The following MAML2 variants were observed in gnomAD, a reference collection of about 807,000 sequenced individuals.
MAML2 encodes the protein mastermind like transcriptional coactivator 2, also known as mastermind-like protein 2.
In MAML2, 22 loss-of-function variants were observed where a neutral mutation model predicts 96.1. That is an observed-to-expected ratio of 0.23 (90% confidence interval 0.16 to 0.33). The LOEUF (loss-of-function observed/expected upper bound fraction) is 0.33, where lower values mean the gene tolerates loss of function less well. Ranked by LOEUF, MAML2 falls within the 10% of genes least tolerant of loss-of-function variation. The probability of loss-of-function intolerance (pLI) is 1.00; values close to 1 mark genes in which losing one functional copy is unlikely to be tolerated. For synonymous variants in MAML2, 561 were observed against 521.3 expected (o/e 1.08, Z -1.04); for missense variants, 1,367 against 1,392.4 (o/e 0.98, Z 0.29).
In MAML2 at chr11:95,977,266, G is replaced by T. The variant is rs1237459707; in HGVS notation, c.*1682C>A. 5.4e-6 allele frequency: 1 copy of T among 184,406 alleles called. No individual in the cohort carries two copies. Among genetic ancestry groups the T allele is most frequent in the Non-Finnish European group, 1.1e-5 (1 of 86,976 alleles). The allele number at this position is 184,406 out of a possible 1,614,324, so 11.4% of individuals were successfully genotyped here. On this transcript the variant is annotated 3_prime_UTR_variant, in exon 5 of 5. Coordinates refer to ENST00000524717, the MANE Select transcript of MAML2 (RefSeq NM_032427.4). ...ATATAACCCAAAGAATATGTTTGAA[G>T]TATTTCTACCAAAATATTCTTTACA...
At chr11:96,186,690 T>G (rs1861580287) in intron 1 of MAML2, among the ~76,000 whole-genome samples, 2 of 152,188 alleles carry the variant, frequency 1.3e-5, no homozygotes, top group South Asian at 4.1e-4. Context: ...TTTTCACAAC[T>G]CCACTATGTA....
chr11:96,251,215 A>G (rs1862577299), intron 1 of MAML2, among the ~76,000 whole-genome samples: 1 of 152,232 alleles, frequency 6.6e-6, no homozygotes, highest in African/African-American at 2.4e-5. Context: ...GTCTTTTACT[A>G]AAGATGGTAG....
At chr11:96,049,696 T>C (rs1858960594) in intron 2 of MAML2, among the ~76,000 whole-genome samples, 1 of 152,238 alleles carries the variant, frequency 6.6e-6, no homozygotes, top group African/African-American at 2.4e-5. Context: ...TAAAGCATTT[T>C]GCACAGTCCC....
intron 4 of MAML2, among the ~76,000 whole-genome samples, chr11:95,981,171 C>A (rs1246411993): frequency 2.6e-5 from 4 of 152,204 alleles, no homozygotes; most frequent in Non-Finnish European, 5.9e-5. Flanking sequence ...TTTTCCTCAT[C>A]CTTCCATGTG....
intron 2 of MAML2, among the ~76,000 whole-genome samples, chr11:96,009,483 G>T (rs1858235004): frequency 6.9e-6 from 1 of 144,708 alleles, no homozygotes; most frequent in African/African-American, 2.6e-5. Context: ...GAATAATTTA[G>T]TTTATTTCAG....
chr11:96,304,275 T>C (rs1254155411), intron 1 of MAML2, among the ~76,000 whole-genome samples: 1 of 152,152 alleles, frequency 6.6e-6, no homozygotes, highest in Admixed American at 6.5e-5. Flanking sequence ...ATAGTCATGT[T>C]TCCAGGAAAG....
At chr11:96,238,017 C>G (rs1862388092) in intron 1 of MAML2, among the ~76,000 whole-genome samples, 1 of 152,170 alleles carries the variant, frequency 6.6e-6, no homozygotes, top group South Asian at 2.1e-4. Context: ...CTTTCCGTGC[C>G]ACCAAATTAG....
rs1857669204 is a variant in MAML2, at chr11:95,977,711, A to G, written c.*1237T>C. 1 of 222,746 alleles carries G rather than the reference A, an allele frequency of 4.5e-6. No homozygotes were observed. The highest frequency in any genetic ancestry group is 9.0e-6 in the Non-Finnish European group (1 of 111,368). 13.8% of individuals were successfully genotyped at this position (222,746 alleles called of 1,614,324 possible). On this transcript the variant is annotated 3_prime_UTR_variant, in exon 5 of 5. Transcript: ENST00000524717. Reference sequence around the variant, plus strand: ...CTCAGCCCTGAGGGACAAAACCTGGATATGAAGAGTCCATCTAGCATGTGG... The same window carrying G: ...CTCAGCCCTGAGGGACAAAACCTGGGTATGAAGAGTCCATCTAGCATGTGG...
At chr11:96,275,398 C>T (rs1862975081) in intron 1 of MAML2, among the ~76,000 whole-genome samples, 1 of 151,004 alleles carries the variant, frequency 6.6e-6, no homozygotes, top group Non-Finnish European at 1.5e-5. Context: ...CTGCCTCAGC[C>T]TCCCGAGTAG....
intron 1 of MAML2, among the ~76,000 whole-genome samples, chr11:96,229,497 C>T (rs1438966228): frequency 1.3e-5 from 2 of 149,752 alleles, no homozygotes; most frequent in East Asian, 1.9e-4. Context: ...GATACTACCT[C>T]GTGTGTCATG....
intron 1 of MAML2, among the ~76,000 whole-genome samples, chr11:96,340,838 A>G (rs1445189426): frequency 1.3e-5 from 2 of 152,112 alleles, no homozygotes; most frequent in Non-Finnish European, 2.9e-5. Flanking sequence ...TTTGTTTTTG[A>G]CTGAGGGGAC....
intron 2 of MAML2, among the ~76,000 whole-genome samples, chr11:96,029,570 T>C (rs963460918): frequency 6.6e-6 from 1 of 152,168 alleles, no homozygotes; most frequent in African/African-American, 2.4e-5. Context: ...AGTTTTTCAT[T>C]GTTGGAACAG....
intron 2 of MAML2, among the ~76,000 whole-genome samples, chr11:96,004,243 C>T (rs1478629970): frequency 2.0e-5 from 3 of 151,800 alleles, no homozygotes; most frequent in African/African-American, 4.8e-5. Flanking sequence ...AAAATGAAGG[C>T]AATTCAGTAA....
At chr11:96,098,279 G>C (rs1859865793) in intron 1 of MAML2, among the ~76,000 whole-genome samples, 1 of 152,214 alleles carries the variant, frequency 6.6e-6, no homozygotes, top group Non-Finnish European at 1.5e-5. Context: ...CTAAGCACCA[G>C]AGAGAGTTCT....
At chr11:96,171,759 G>A (rs1861301349) in intron 1 of MAML2, among the ~76,000 whole-genome samples, 1 of 152,212 alleles carries the variant, frequency 6.6e-6, no homozygotes, top group South Asian at 2.1e-4. Flanking sequence ...CAAGGGATAT[G>A]GGTCCAGTTA....
At chr11:96,302,541 G>A (rs1863400218) in intron 1 of MAML2, among the ~76,000 whole-genome samples, 1 of 152,206 alleles carries the variant, frequency 6.6e-6, no homozygotes, top group Non-Finnish European at 1.5e-5. Flanking sequence ...GGAGGTTGGG[G>A]AGAATGGCAC....
intron 1 of MAML2, among the ~76,000 whole-genome samples, chr11:96,153,512 ATAT>A (rs758712047): frequency 1.3e-5 from 2 of 152,222 alleles, no homozygotes; most frequent in East Asian, 3.8e-4. Flanking sequence ...TTACATTAAA[ATAT>A]TATTAATCTT....
At chr11:96,063,631 C>T (rs182663398) in intron 2 of MAML2, among the ~76,000 whole-genome samples, 3 of 152,264 alleles carry the variant, frequency 2.0e-5, no homozygotes, top group Non-Finnish European at 4.4e-5. Flanking sequence ...GCAATCAAAT[C>T]TTAGAGAGGT....
At chr11:95,987,228 T>A (rs534947401) in intron 3 of MAML2, among the ~76,000 whole-genome samples, 10 of 152,202 alleles carry the variant, frequency 6.6e-5, no homozygotes, top group Non-Finnish European at 1.2e-4. Flanking sequence ...CTTGTTTGTG[T>A]CTGTTTTTAG....
Sources: gnomAD v4.1 joint callset for allele counts (sites outside exome capture counted in the v4.1 genomes callset) on GRCh38, gnomAD v4.1.1 for gene constraint, MANE v1.5 for transcripts, NCBI Gene and HGNC (gene_info 2026-07-23, HGNC 2026-07-21) for gene names.